The following ANTXR2 variants were observed in gnomAD, a reference collection of about 807,000 sequenced individuals.
ANTXR2 encodes the protein anthrax toxin receptor 2.
In ANTXR2, 44 loss-of-function variants were observed where a neutral mutation model predicts 73.7. The observed-to-expected ratio is 0.60, with a 90% CI of 0.47 to 0.77. The LOEUF (loss-of-function observed/expected upper bound fraction) is 0.77, where lower values mean the gene tolerates loss of function less well. ANTXR2 is among the 30% of genes least tolerant of loss of function. ANTXR2 has a pLI of 0.00. For synonymous variants in ANTXR2, 217 were observed against 205.9 expected, an observed-to-expected ratio of 1.05 and a Z score of -0.46; for missense variants, 604 against 592.5, an observed-to-expected ratio of 1.02 and a Z score of -0.20.
At chr4:80,006,130 G>A (rs1435887042) in intron 12 of ANTXR2, among the ~76,000 whole-genome samples, 2 of 152,006 alleles carry the variant, frequency 1.3e-5, no homozygotes, top group African/African-American at 4.8e-5. Context: ...GCTCCCTTTA[G>A]TCTTGGCAAA....
At chr4:79,947,466 G>C (rs892261327) in intron 16 of ANTXR2, among the ~76,000 whole-genome samples, 1 of 151,982 alleles carries the variant, frequency 6.6e-6, no homozygotes, top group Non-Finnish European at 1.5e-5. Context: ...TAAAAAAAAA[G>C]TTTTTTATTT....
rs372562244 is a variant in ANTXR2, at chr4:79,977,688, G to A, written c.1361C>T (p.Ala454Val). ...WYTPIKGRLDALWALLRRQYD... is the reference protein window; with the variant it reads ...WYTPIKGRLDVLWALLRRQYD... The stretch of plus-strand genomic sequence containing the variant: ...CTGCCGCCTCAACAAAGCCCAGAGA[G>A]CATCAAGACGACCCTAAGGGAAAAT... The change falls in exon 16 of 17, where the codon GCT (alanine) becomes GTT (valine). Residue 454 changes from alanine to valine, a missense_variant. Transcript: ENST00000403729. 118 of 1,577,060 alleles carry A rather than the reference G, an allele frequency of 7.5e-5. No homozygotes were observed. Among genetic ancestry groups the A allele is most frequent in the Non-Finnish European group, 9.3e-5 (108 of 1,160,656 alleles).
intron 16 of ANTXR2, among the ~76,000 whole-genome samples, chr4:79,916,330 C>A (rs564703987): frequency 6.6e-6 from 1 of 152,026 alleles, no homozygotes; most frequent in Non-Finnish European, 1.5e-5. Flanking sequence ...GTTGGAAATA[C>A]CTTCTTTTGT....
intron 14 of ANTXR2, 103 bp downstream of exon 14, chr4:79,983,775 T>C: frequency 1.1e-6 from 1 of 893,752 alleles, no homozygotes; most frequent in Non-Finnish European, 1.8e-6. Context: ...CACAAATGGA[T>C]GATATTATAA....
At chr4:79,923,159 A>G (rs1305828680) in intron 16 of ANTXR2, among the ~76,000 whole-genome samples, 3 of 152,162 alleles carry the variant, frequency 2.0e-5, no homozygotes, top group Non-Finnish European at 4.4e-5. Flanking sequence ...GGTAGTCAAT[A>G]GCTATCTAAA....
chr4:79,914,760 A>G (rs1337744045), intron 16 of ANTXR2, among the ~76,000 whole-genome samples: 1 of 152,148 alleles, frequency 6.6e-6, no homozygotes, highest in Non-Finnish European at 1.5e-5. Flanking sequence ...CATAATCCCA[A>G]AGTTCTTCTA....
rs1726925942 is a variant in ANTXR2 at position 79,906,705 on chromosome 4, C to T, written c.*724G>A. On this transcript the variant is annotated 3_prime_UTR_variant, in exon 17 of 17. Transcript: ENST00000403729. ...TAGAGGCCTTCTGTGGAATAACGCTCTATTAATTTTCTTGTCCCGAGTGCA... is the reference window on the plus strand; with the variant it reads ...TAGAGGCCTTCTGTGGAATAACGCTTTATTAATTTTCTTGTCCCGAGTGCA... 1 of 152,634 alleles carries T rather than the reference C, an allele frequency of 6.6e-6. No individual in the cohort carries two copies. Among genetic ancestry groups the T allele is most frequent in the African/African-American group, 2.4e-5 (1 of 41,464 alleles). The allele number at this position is 152,634 out of a possible 1,614,324, so 9.5% of individuals were successfully genotyped here.
At chr4:79,976,402 GCAAAAACACTTTCC>G (rs1488574732) in intron 16 of ANTXR2, among the ~76,000 whole-genome samples, 1 of 152,156 alleles carries the variant, frequency 6.6e-6, no homozygotes, top group Admixed American at 6.5e-5. Flanking sequence ...CAGGGATGGG[GCAAAAACACTTTCC>G]CATAAGACAC....
intron 16 of ANTXR2, among the ~76,000 whole-genome samples, chr4:79,974,410 T>G (rs1178140209): frequency 6.6e-6 from 1 of 152,090 alleles, no homozygotes; most frequent in Non-Finnish European, 1.5e-5. Flanking sequence ...AAAACAAATT[T>G]TAAAAAAGGC....
At chr4:80,046,678 T>C (rs1441929839) in intron 7 of ANTXR2, among the ~76,000 whole-genome samples, 1 of 151,762 alleles carries the variant, frequency 6.6e-6, no homozygotes, top group Non-Finnish European at 1.5e-5. Context: ...ATGAAATGTT[T>C]CCCTATGCAA....
chr4:80,021,356 A>T (rs756968495), intron 10 of ANTXR2, among the ~76,000 whole-genome samples: 1 of 152,138 alleles, frequency 6.6e-6, no homozygotes, highest in Non-Finnish European at 1.5e-5. Flanking sequence ...AGCATAATCA[A>T]ATAAAAAATT....
chr4:80,004,749 T>G (rs1731224323), intron 12 of ANTXR2, among the ~76,000 whole-genome samples: 3 of 152,106 alleles, frequency 2.0e-5, no homozygotes, highest in Admixed American at 2.0e-4. Context: ...TCAGGTAACA[T>G]TACAAGGTTC....
chr4:80,024,905 T>C lies in ANTXR2; in HGVS notation c.867-5929A>G, dbSNP rs572105849. On this transcript the variant is annotated intron_variant, in intron 10 of 16. Coordinates refer to ENST00000403729, the MANE Select transcript of ANTXR2 (RefSeq NM_058172.6). ...CTTCTGAGACAAGAGTGGCACCTTG[T>C]GCAGATAATACAGGGAGGTAAGGGA... 10 of 262,306 alleles carry C rather than the reference T, an allele frequency of 3.8e-5. No homozygotes were observed. In the East Asian group the frequency reaches 1.1e-3, roughly 29 times the overall value. 16.2% of individuals were successfully genotyped at this position (262,306 alleles called of 1,614,324 possible). A position where few individuals can be genotyped will look rare whatever the true frequency, so the allele number is the denominator to read the frequency against.
intron 7 of ANTXR2, among the ~76,000 whole-genome samples, chr4:80,049,355 C>G (rs1733670181): frequency 6.6e-6 from 1 of 151,688 alleles, no homozygotes; most frequent in African/African-American, 2.4e-5. Context: ...AATAAAATTT[C>G]ATTTTCAAAT....
chr4:79,919,865 TTA>T (rs869257072), intron 16 of ANTXR2, among the ~76,000 whole-genome samples: 427 of 17,594 alleles, frequency 0.024, 1 homozygote, highest in African/African-American at 0.03. Context: ...AATACATATT[TTA>T]TATATATATA....
At chr4:80,024,678 C>T in intron 10 of ANTXR2, 1 of 453,002 alleles carries the variant, frequency 2.2e-6, no homozygotes. Flanking sequence ...AGGAGGATCA[C>T]CTGAGCCAGA....
intron 3 of ANTXR2, among the ~76,000 whole-genome samples, chr4:80,065,469 T>C (rs549564753): frequency 1.3e-5 from 2 of 152,202 alleles, no homozygotes; most frequent in South Asian, 2.1e-4. Flanking sequence ...AGCAAGTCTT[T>C]AGGTAGGTGG....
intron 8 of ANTXR2, among the ~76,000 whole-genome samples, chr4:80,035,702 T>C (rs1393260081): frequency 6.6e-5 from 10 of 152,102 alleles, no homozygotes; most frequent in South Asian, 2.1e-4. Flanking sequence ...TTATTTGCCA[T>C]AGGAAAGGTC....
intron 12 of ANTXR2, among the ~76,000 whole-genome samples, chr4:80,001,572 G>C (rs1429054585): frequency 1.3e-5 from 2 of 151,260 alleles, no homozygotes; most frequent in Non-Finnish European, 3.0e-5. Context: ...GGTCCGCTTG[G>C]TGCAGAGCTG....
Sources: allele counts gnomAD v4.1 joint callset (sites outside exome capture counted in the v4.1 genomes callset), GRCh38; gene constraint gnomAD v4.1.1; transcripts MANE v1.5; gene names NCBI Gene and HGNC (gene_info 2026-07-23, HGNC 2026-07-21).